CACNA1E: variants seen among roughly 807,000 people sequenced by gnomAD.
CACNA1E encodes the protein calcium voltage-gated channel subunit alpha1 E.
A neutral mutation model predicts 259.2 loss-of-function variants in CACNA1E; 40 were observed. The observed-to-expected ratio is 0.15, with a 90% CI of 0.12 to 0.20. The LOEUF (loss-of-function observed/expected upper bound fraction) is 0.20. CACNA1E is among the 10% of genes least tolerant of loss of function. The pLI is 1.00. For missense variants in CACNA1E, 1,874 were observed against 3,040.1 expected (o/e 0.62, Z 9.02); for synonymous variants, 1,104 against 1,138.5 (o/e 0.97, Z 0.61).
intron 1 of CACNA1E, among the ~76,000 whole-genome samples, chr1:181,365,373 C>T (rs577518516): frequency 3.3e-5 from 5 of 152,310 alleles, no homozygotes; most frequent in Admixed American, 1.3e-4. Context: ...GGTCCTGCTA[C>T]GTTGCCCAGG....
chr1:181,430,476 T>C (rs768531591), intron 2 of CACNA1E, among the ~76,000 whole-genome samples: 4 of 152,154 alleles, frequency 2.6e-5, no homozygotes, highest in African/African-American at 4.8e-5. Flanking sequence ...CAGCTTCTCT[T>C]GTTCGGGTTA....
intron 7 of CACNA1E, among the ~76,000 whole-genome samples, chr1:181,702,998 C>A (rs1652427957): frequency 6.6e-6 from 1 of 152,224 alleles, no homozygotes; most frequent in Non-Finnish European, 1.5e-5. Context: ...GGGTCTTATT[C>A]TCTGGCCCAG....
At chr1:181,604,305 C>A (rs569585170) in intron 6 of CACNA1E, among the ~76,000 whole-genome samples, 5 of 152,300 alleles carry the variant, frequency 3.3e-5, no homozygotes, top group East Asian at 1.9e-4. Context: ...GTAACCAGGA[C>A]CCCCAGACCC....
chr1:181,587,850 T>C (rs980401966), intron 6 of CACNA1E, among the ~76,000 whole-genome samples: 1 of 152,082 alleles, frequency 6.6e-6, no homozygotes, highest in Non-Finnish European at 1.5e-5. Flanking sequence ...GCCACTGCAG[T>C]CCGGCCTGGG....
intron 6 of CACNA1E, among the ~76,000 whole-genome samples, chr1:181,583,103 TACACACACACACACACACAC>T (rs34193608): frequency 6.2e-5 from 9 of 144,988 alleles, no homozygotes; most frequent in African/African-American, 7.7e-5. Flanking sequence ...GGACTGTTCC[TACACACACACACACACACAC>T]ACACACACAC....
intron 1 of CACNA1E, among the ~76,000 whole-genome samples, chr1:181,320,377 C>G (rs1342123731): frequency 1.3e-5 from 2 of 152,200 alleles, no homozygotes; most frequent in Admixed American, 6.5e-5. Context: ...ACACCTCCAT[C>G]CCCCTTGCAG....
chr1:181,769,589 A>AT (rs1276364736), intron 35 of CACNA1E, among the ~76,000 whole-genome samples: 1 of 146,000 alleles, frequency 6.8e-6, no homozygotes, highest in Non-Finnish European at 1.5e-5. Flanking sequence ...CTTGACTTAA[A>AT]TTATCTTAGA....
chr1:181,373,739 G>A (rs1379359236), intron 1 of CACNA1E, among the ~76,000 whole-genome samples: 2 of 151,762 alleles, frequency 1.3e-5, no homozygotes, highest in South Asian at 2.1e-4. Context: ...GGGTTTCACC[G>A]TGGTCTCGAT....
At chr1:181,330,695 C>G (rs900801387) in intron 1 of CACNA1E, among the ~76,000 whole-genome samples, 1 of 152,184 alleles carries the variant, frequency 6.6e-6, no homozygotes, top group Non-Finnish European at 1.5e-5. Flanking sequence ...GTCAGAAAAG[C>G]AAGAGCTAAG....
intron 43 of CACNA1E, among the ~76,000 whole-genome samples, chr1:181,787,557 C>T (rs1660952932): frequency 6.6e-6 from 1 of 152,146 alleles, no homozygotes; most frequent in Non-Finnish European, 1.5e-5. Flanking sequence ...TTGATTTTTA[C>T]CAATATTTAT....
At chr1:181,368,962 G>A (rs557961335) in intron 1 of CACNA1E, among the ~76,000 whole-genome samples, 2 of 152,220 alleles carry the variant, frequency 1.3e-5, no homozygotes, top group Non-Finnish European at 2.9e-5. Context: ...CTGGGCCCAC[G>A]GTAGATTCTT....
At chr1:181,708,854 T>G (rs1227087763) in intron 7 of CACNA1E, among the ~76,000 whole-genome samples, 1 of 152,144 alleles carries the variant, frequency 6.6e-6, no homozygotes, top group East Asian at 1.9e-4. Context: ...GCTCTACACA[T>G]GTTACTTGCC....
At position 181,766,631 on chromosome 1, in the gene CACNA1E, G is replaced by A. The variant is rs774041729; in HGVS notation, c.4881+20G>A. 3 of 1,576,328 alleles carry A rather than the reference G, an allele frequency of 1.9e-6. No homozygotes were observed. The highest frequency in any genetic ancestry group is 2.2e-5 in the East Asian group (1 of 44,664). ...ATGCAGGTGAGCTGGTAAATCAAGG[G>A]CCCGGTGGGGGACAGCTGTTACCCA... On this transcript the variant is annotated intron_variant, in intron 35 of 47. Transcript: ENST00000367573.
chr1:181,579,053 T>C lies in CACNA1E; in HGVS notation c.617-19T>C, dbSNP rs1156781549. The stretch of plus-strand genomic sequence containing the variant: ...GCTGAGGGACAGCTGCATTGGTCAT[T>C]CTCTGTCCTTCCTTCTAGGCCTGCA... On this transcript the variant is annotated intron_variant, in intron 4 of 47. Transcript: ENST00000367573. 3.1e-6 allele frequency: 5 copies of C among 1,590,210 alleles called. No homozygotes were observed. Among genetic ancestry groups the C allele is most frequent in the Non-Finnish European group, 4.3e-6 (5 of 1,169,070 alleles).
intron 2 of CACNA1E, among the ~76,000 whole-genome samples, chr1:181,432,380 A>T (rs1270071116): frequency 6.6e-6 from 1 of 152,184 alleles, no homozygotes; most frequent in Non-Finnish European, 1.5e-5. Context: ...AAAATTTTTT[A>T]ATGTTTTCAT....
intron 1 of CACNA1E, among the ~76,000 whole-genome samples, chr1:181,322,716 T>A (rs1302173174): frequency 6.6e-6 from 1 of 152,224 alleles, no homozygotes; most frequent in African/African-American, 2.4e-5. Flanking sequence ...TATGTTCATG[T>A]GTTATTGCTG....
At chr1:181,497,733 G>A (rs551645222) in intron 1 of CACNA1E, among the ~76,000 whole-genome samples, 7 of 152,190 alleles carry the variant, frequency 4.6e-5, no homozygotes, top group Non-Finnish European at 1.0e-4. Context: ...AGACCAGCAG[G>A]TACTCTTCCC....
intron 1 of CACNA1E, among the ~76,000 whole-genome samples, chr1:181,395,599 T>C (rs1397541788): frequency 6.6e-6 from 1 of 152,154 alleles, no homozygotes; most frequent in Non-Finnish European, 1.5e-5. Flanking sequence ...TTCAAGTATT[T>C]GGAAAAAATA....
At chr1:181,655,182 A>C (rs960057657) in intron 7 of CACNA1E, among the ~76,000 whole-genome samples, 1 of 152,090 alleles carries the variant, frequency 6.6e-6, no homozygotes, top group Non-Finnish European at 1.5e-5. Flanking sequence ...CTTTAATGAT[A>C]ATTTTTATAG....
Sources: gnomAD v4.1 joint callset for allele counts (sites outside exome capture counted in the v4.1 genomes callset) on GRCh38, gnomAD v4.1.1 for gene constraint, MANE v1.5 for transcripts, NCBI Gene and HGNC (gene_info 2026-07-23, HGNC 2026-07-21) for gene names.